The following INO80 variants were observed in gnomAD, a reference collection of about 807,000 sequenced individuals.
INO80 encodes INO80 complex ATPase subunit.
INO80 carries 20 observed loss-of-function variants against 203.4 expected under a neutral mutation model. The observed-to-expected ratio is 0.10, with a 90% CI of 0.07 to 0.14. The LOEUF is 0.14. Ranked by LOEUF, INO80 falls within the 10% of genes least tolerant of loss-of-function variation. INO80 has a pLI of 1.00. For synonymous variants in INO80, 726 were observed against 685.2 expected, an observed-to-expected ratio of 1.06 and a Z score of -0.93; for missense variants, 1,419 against 1,914.4, an observed-to-expected ratio of 0.74 and a Z score of 4.83.
intron 14 of INO80, among the ~76,000 whole-genome samples, chr15:41,063,523 C>T (rs1424445834): frequency 3.3e-5 from 5 of 152,026 alleles, no homozygotes; most frequent in Admixed American, 6.6e-5. Context: ...CCTATAATCC[C>T]AGCACTTTGG....
chr15:41,049,520 T>C, intron 20 of INO80, 100 bp from the exon 21 acceptor site: 2 of 1,084,818 alleles, frequency 1.8e-6, no homozygotes, highest in Non-Finnish European at 2.7e-6. Flanking sequence ...TGGGAATGGA[T>C]ACTTTCCCAT....
At chr15:41,031,554 GA>G (rs369506346) in intron 24 of INO80, among the ~76,000 whole-genome samples, 2 of 2,352 alleles carry the variant, frequency 8.5e-4, no homozygotes, top group Non-Finnish European at 3.8e-3. Flanking sequence ...GAGGAGGGAG[GA>G]AGGGAGGAAG....
rs900755746 is a variant in INO80, at chr15:40,983,161, G to A, written c.4238-84C>T. 30 of 1,137,728 alleles carry A rather than the reference G, an allele frequency of 2.6e-5. No homozygotes were observed. In the African/African-American group the frequency reaches 4.3e-4, roughly 16 times the overall value. 70.5% of individuals were successfully genotyped at this position (1,137,728 alleles called of 1,614,324 possible). A position where few individuals can be genotyped will look rare whatever the true frequency, so the allele number is the denominator to read the frequency against. On this transcript the variant is annotated intron_variant, in intron 34 of 35. Transcript: ENST00000648947. Reference sequence around the variant, plus strand: ...GTTAACATCACCTTCTCCTGACAGGGAAAGCGAGCTCTTAGGGCATTTGTT... The same window carrying A: ...GTTAACATCACCTTCTCCTGACAGGAAAAGCGAGCTCTTAGGGCATTTGTT...
chr15:41,067,964 T>A (rs954863225), intron 14 of INO80, among the ~76,000 whole-genome samples: 1 of 152,228 alleles, frequency 6.6e-6, no homozygotes, highest in Non-Finnish European at 1.5e-5. Context: ...AGCAGCTGTT[T>A]AAATCTAATC....
chr15:41,054,916 A>T (rs1186117575), intron 18 of INO80, among the ~76,000 whole-genome samples: 1 of 152,072 alleles, frequency 6.6e-6, no homozygotes, highest in East Asian at 1.9e-4. Flanking sequence ...GGGATTACAG[A>T]TGTGAGCCAC....
chr15:40,980,666 T>A (rs1893792863), intron 35 of INO80, among the ~76,000 whole-genome samples: 1 of 152,078 alleles, frequency 6.6e-6, no homozygotes, highest in South Asian at 2.1e-4. Flanking sequence ...TACCCAACCC[T>A]CTCTATACTA....
At chr15:41,025,198 G>A (rs1262291246) in intron 25 of INO80, among the ~76,000 whole-genome samples, 1 of 152,198 alleles carries the variant, frequency 6.6e-6, no homozygotes, top group Non-Finnish European at 1.5e-5. Context: ...TTTCTTGAGA[G>A]AAACAGCAGC....
intron 12 of INO80, among the ~76,000 whole-genome samples, chr15:41,071,449 T>A (rs957057039): frequency 7.4e-5 from 3 of 40,288 alleles, no homozygotes; most frequent in African/African-American, 2.8e-4. Flanking sequence ...ACTCATTTCC[T>A]TTTTTTTTTT....
intron 25 of INO80, chr15:41,024,539 G>C (rs1039628229): frequency 6.6e-6 from 1 of 152,192 alleles, no homozygotes; most frequent in Non-Finnish European, 1.5e-5. Context: ...TACCTTCAGG[G>C]GCTGCCCCCT....
At chr15:41,034,319 G>C (rs1344571789) in intron 24 of INO80, among the ~76,000 whole-genome samples, 4 of 152,144 alleles carry the variant, frequency 2.6e-5, no homozygotes, top group Non-Finnish European at 5.9e-5. Flanking sequence ...CTCACTGTTT[G>C]GATTCATTCC....
chr15:40,996,497 T>G (rs1046458762), intron 29 of INO80, among the ~76,000 whole-genome samples: 6 of 139,780 alleles, frequency 4.3e-5, no homozygotes, highest in Non-Finnish European at 5.9e-5. Context: ...ATTTTTTTTG[T>G]TTTTTTTTGG....
intron 29 of INO80, among the ~76,000 whole-genome samples, chr15:40,993,979 T>G (rs1284935342): frequency 1.3e-5 from 2 of 152,124 alleles, no homozygotes; most frequent in South Asian, 2.1e-4. Flanking sequence ...ATCATGTTAC[T>G]CCTCTGTTCA....
At chr15:41,115,880 T>G (rs2046027128) in intron 1 of INO80, 93 bp downstream of exon 1, 1 of 374,590 alleles carries the variant, frequency 2.7e-6, no homozygotes, top group Admixed American at 4.6e-5. Context: ...ACGGCCCCTT[T>G]AAGACGCGGC....
intron 1 of INO80, among the ~76,000 whole-genome samples, chr15:41,097,053 C>T (rs1459776281): frequency 1.4e-5 from 2 of 146,300 alleles, no homozygotes; most frequent in Non-Finnish European, 2.9e-5. Flanking sequence ...CACACAATCA[C>T]ACAATCAGTA....
chr15:40,980,750 A>G (rs1176834873), intron 35 of INO80, among the ~76,000 whole-genome samples: 1 of 152,154 alleles, frequency 6.6e-6, no homozygotes, highest in Non-Finnish European at 1.5e-5. Context: ...TGAGACACCA[A>G]AGTTACAGGA....
intron 1 of INO80, among the ~76,000 whole-genome samples, chr15:41,108,571 G>T (rs2045915153): frequency 7.2e-6 from 1 of 138,800 alleles, no homozygotes; most frequent in Non-Finnish European, 1.5e-5. Context: ...CAGCCTGGGG[G>T]ACACAGCGAG....
intron 1 of INO80, among the ~76,000 whole-genome samples, chr15:41,106,412 G>C: frequency 6.8e-6 from 1 of 146,180 alleles, no homozygotes; most frequent in African/African-American, 2.5e-5. Context: ...GAGAAAGAAA[G>C]AAAAAAATTA....
chr15:41,054,692 G>C (rs569429983), intron 18 of INO80, among the ~76,000 whole-genome samples: 1 of 152,282 alleles, frequency 6.6e-6, no homozygotes, highest in South Asian at 2.1e-4. Flanking sequence ...AGGCTGGAGT[G>C]CAATGATGCA....
In INO80 at chr15:41,073,408, CT is replaced by C; in HGVS notation, c.1395+19del. On this transcript the variant is annotated intron_variant, in intron 11 of 35. Transcript: ENST00000648947. The stretch of plus-strand genomic sequence containing the variant: ...ATTTCCAGGGCCAATTACAGTAAAC[CT>C]TTCTATCTGAAGACTCACCCGAGCT... 2 of 1,607,506 alleles carry C rather than the reference CT, an allele frequency of 1.2e-6. No homozygotes were observed. Among genetic ancestry groups the C allele is most frequent in the Non-Finnish European group, 1.7e-6 (2 of 1,174,014 alleles).
Sources: gnomAD v4.1 joint callset for allele counts (sites outside exome capture counted in the v4.1 genomes callset) on GRCh38, gnomAD v4.1.1 for gene constraint, MANE v1.5 for transcripts, NCBI Gene and HGNC (gene_info 2026-07-23, HGNC 2026-07-21) for gene names.